The following NCAN variants were observed in gnomAD, a reference collection of about 807,000 sequenced individuals.
NCAN encodes the protein neurocan, also known as neurocan core protein.
NCAN carries 47 observed loss-of-function variants against 121.8 expected under a neutral mutation model. The ratio of observed to expected loss-of-function variants is 0.39; its 90% CI spans 0.31 to 0.49. The LOEUF is 0.49. Among genes scored for constraint, NCAN ranks in the 20% least tolerant of loss-of-function variants. The pLI is 0.92. For missense variants in NCAN, 1,517 were observed against 1,773.4 expected (o/e 0.86, Z 2.60); for synonymous variants, 633 against 702.0 (o/e 0.90, Z 1.55).
chr19:19,243,779 G>A (rs1484137714), intron 12 of NCAN, among the ~76,000 whole-genome samples: 1 of 152,018 alleles, frequency 6.6e-6, no homozygotes, highest in African/African-American at 2.4e-5. Context: ...TGTAATCCCA[G>A]CACTTTGGGA....
At chr19:19,234,252 T>A (rs1244374247) in intron 9 of NCAN, among the ~76,000 whole-genome samples, 2 of 152,212 alleles carry the variant, frequency 1.3e-5, no homozygotes, top group Admixed American at 6.5e-5. Context: ...CCACCAGAAC[T>A]GTTGGGTGCT....
At chr19:19,221,577 T>A (rs1031213080) in intron 3 of NCAN, among the ~76,000 whole-genome samples, 1 of 151,298 alleles carries the variant, frequency 6.6e-6, no homozygotes, top group Non-Finnish European at 1.5e-5. Flanking sequence ...TTAAAAATAA[T>A]AATAATAATA....
At chr19:19,248,629 A>C (rs1387318499) in intron 13 of NCAN, 71 bp from the exon 14 acceptor site, 11 of 1,483,430 alleles carry the variant, frequency 7.4e-6, no homozygotes, top group Non-Finnish European at 1.0e-5. Context: ...TGTCTCAAAC[A>C]ACAACAACAA....
chr19:19,212,072 A>G lies in NCAN; in HGVS notation c.-8+8A>G. On this transcript the variant is annotated splice_region_variant and intron_variant, in intron 1 of 14. Coordinates refer to ENST00000252575, the MANE Select transcript of NCAN (RefSeq NM_004386.3). The surrounding 1 kb of genome is among the most constrained non-coding windows in gnomAD (Gnocchi z 4.5). Reference sequence around the variant, plus strand: ...GTCCGAGCTAGGAGCCAGGTGGGGGATCCGTGAGGGGGCCGTGTTGCGGGA... The same window carrying G: ...GTCCGAGCTAGGAGCCAGGTGGGGGGTCCGTGAGGGGGCCGTGTTGCGGGA... 1 of 202,060 alleles carries G rather than the reference A, an allele frequency of 4.9e-6. No homozygotes were observed. The highest frequency in any genetic ancestry group is 4.9e-5 in the South Asian group (1 of 20,566). The allele number at this position is 202,060 out of a possible 1,614,324, so 12.5% of individuals were successfully genotyped here.
chr19:19,212,844 G>A lies in NCAN; in HGVS notation c.-8+780G>A, dbSNP rs556316072. 1.3e-5 allele frequency among the ~76,000 whole-genome samples: 2 copies of A among 152,284 alleles called. No homozygotes were observed. The highest frequency in any genetic ancestry group is 4.8e-5 in the African/African-American group (2 of 41,572). On this transcript the variant is annotated intron_variant, in intron 1 of 14. Transcript: ENST00000252575. This position sits in a 1 kb window ranked among gnomAD's most constrained non-coding sequence, Gnocchi z 4.5. ...AGGACCTGTGAGGGATACCAGCTCA[G>A]AGGGGGGGCTGTCCCCCAGCACCTT...
chr19:19,238,643 T>C, intron 11 of NCAN: 1 of 568,614 alleles, frequency 1.8e-6, no homozygotes, highest in East Asian at 3.2e-5. Context: ...ACTGAGCACC[T>C]GCTATATGCC....
rs544014045 is a variant in NCAN at position 19,216,437 on chromosome 19, G to C, written c.-7-510G>C. Among the ~76,000 whole-genome samples the C allele has an allele frequency of 2.0e-5, 3 of 152,050 alleles. No homozygotes were observed. The East Asian group carries it at 5.8e-4, about 29-fold the overall frequency. On this transcript the variant is annotated intron_variant, in intron 1 of 14. Transcript: ENST00000252575. ...AGTAATTCTCCTGCCTCAGCCTCCT[G>C]AGTAGCTGGGATTACAGGCGCCTGC... is the stretch of plus-strand genomic sequence containing the variant.
At chr19:19,248,221 G>A (rs539067372) in intron 13 of NCAN, among the ~76,000 whole-genome samples, 2 of 152,248 alleles carry the variant, frequency 1.3e-5, no homozygotes, top group East Asian at 3.9e-4. Context: ...AAGGTGGGCA[G>A]CTCATCTGAG....
chr19:19,240,991 T>C (rs376952572), intron 12 of NCAN, among the ~76,000 whole-genome samples: 7 of 152,296 alleles, frequency 4.6e-5, no homozygotes, highest in African/African-American at 1.7e-4. Context: ...TTCTCATTTC[T>C]AGCCTGGGCA....
chr19:19,230,113 C>T (rs1176457669), intron 8 of NCAN, among the ~76,000 whole-genome samples: 2 of 150,068 alleles, frequency 1.3e-5, no homozygotes, highest in South Asian at 2.1e-4. Flanking sequence ...GGTGTGATCT[C>T]GGCGCACTGC....
At chr19:19,223,525 T>C (rs2146540376) in intron 3 of NCAN, among the ~76,000 whole-genome samples, 1 of 152,206 alleles carries the variant, frequency 6.6e-6, no homozygotes, top group South Asian at 2.1e-4. Context: ...CAGGCTGGAG[T>C]GCAGTGGCTC....
In NCAN at chr19:19,250,571, A is replaced by T. The variant is rs1262066557; in HGVS notation, c.*660A>T. On this transcript the variant is annotated 3_prime_UTR_variant, in exon 15 of 15. Transcript: ENST00000252575. ...TAGGAGTGAGAATGATCAAAGCAAT[A>T]TGTAGGTGATGGAGGGAGAGTGTAT... 4.7e-6 allele frequency: 1 copy of T among 212,350 alleles called. No individual in the cohort carries two copies. Among genetic ancestry groups the T allele is most frequent in the African/African-American group, 2.3e-5 (1 of 43,050 alleles). 13.2% of individuals were successfully genotyped at this position (212,350 alleles called of 1,614,324 possible).
intron 13 of NCAN, among the ~76,000 whole-genome samples, chr19:19,247,470 G>A (rs2060928662): frequency 6.6e-6 from 1 of 152,056 alleles, no homozygotes; most frequent in Non-Finnish European, 1.5e-5. Flanking sequence ...AGCCAGGATG[G>A]TCTCGATCTC....
chr19:19,213,121 A>C (rs2060781346), intron 1 of NCAN, among the ~76,000 whole-genome samples: 1 of 152,130 alleles, frequency 6.6e-6, no homozygotes, highest in Non-Finnish European at 1.5e-5. Flanking sequence ...TCTGGGCCCC[A>C]GCGGGGGACG....
At position 19,228,018 on chromosome 19, in the gene NCAN, G is replaced by A. The variant is rs1405842844; in HGVS notation, c.2398G>A (p.Gly800Arg). ...TGCAAGTTCCCCATCTGCCCCCCTG[G>A]GGAGCCCTGGAGTCTTCTTGGTACC... ...LDASSPSAPL[G>R]SPGVFLVPKV... Residue 800 changes from glycine (G) to arginine (R), a missense_variant, in exon 8 of 15, where the codon GGG (glycine) becomes AGG (arginine). Gly to Arg is a moderately radical substitution (Grantham distance 125). Transcript: ENST00000252575. The A allele has an allele frequency of 6.2e-7, 1 of 1,613,450 alleles. No homozygotes were observed. Among genetic ancestry groups the A allele is most frequent in the East Asian group, 2.2e-5 (1 of 44,878 alleles).
At position 19,225,141 on chromosome 19, in the gene NCAN, C is replaced by T; in HGVS notation, c.943C>T (p.Arg315Cys). ...DPGWLADGSV[R>C]YPIQTPRRRC... Reference sequence around the variant, plus strand: ...GGGCTGGCTGGCCGACGGCAGCGTGCGCTACCCGATCCAGACGCCGCGCCG... The same window carrying T: ...GGGCTGGCTGGCCGACGGCAGCGTGTGCTACCCGATCCAGACGCCGCGCCG... The change falls in exon 6 of 15, where the codon CGC becomes TGC. Residue 315 changes from arginine (R) to cysteine (C), a missense_variant. Transcript: ENST00000252575. The surrounding 1 kb of genome is among the most constrained non-coding windows in gnomAD (Gnocchi z 4.0). The T allele has an allele frequency of 6.5e-7, 1 of 1,530,838 alleles. No homozygotes were observed. Among genetic ancestry groups the T allele is most frequent in the Admixed American group, 2.0e-5 (1 of 49,866 alleles). 94.8% of individuals were successfully genotyped at this position (1,530,838 alleles called of 1,614,324 possible).
At position 19,227,776 on chromosome 19, in the gene NCAN, C is replaced by T; in HGVS notation, c.2156C>T (p.Ala719Val). The T allele has an allele frequency of 6.2e-7, 1 of 1,613,722 alleles. No individual in the cohort carries two copies. The highest frequency in any genetic ancestry group is 1.7e-5 in the Admixed American group (1 of 60,018). The change falls in exon 8 of 15, where the codon GCT becomes GTT. Residue 719 changes from alanine to valine, a missense_variant. Physicochemically the swap from Ala to Val is moderately conservative, Grantham distance 64 (BLOSUM62 0). Transcript: ENST00000252575. The surrounding 1 kb of genome is among the most constrained non-coding windows in gnomAD (Gnocchi z 4.2). ...ACCAGCCCTGCTCAGGTCAACAAAGCTGAGCACTCCAGCTCCAGCCCATGG... is the reference window on the plus strand; with the variant it reads ...ACCAGCCCTGCTCAGGTCAACAAAGTTGAGCACTCCAGCTCCAGCCCATGG... The part of the protein sequence containing the change: ...GETSPAQVNK[A>V]EHSSSSPWPS...
In NCAN at chr19:19,225,589, C is replaced by T. The variant is rs752690539; in HGVS notation, c.1072+319C>T. 1.3e-4 allele frequency among the ~76,000 whole-genome samples: 20 copies of T among 152,378 alleles called. No individual in the cohort carries two copies. Among genetic ancestry groups the T allele is most frequent in the Non-Finnish European group, 2.2e-4 (15 of 68,036 alleles). On this transcript the variant is annotated intron_variant, in intron 6 of 14. Transcript: ENST00000252575. This position sits in a 1 kb window ranked among gnomAD's most constrained non-coding sequence, Gnocchi z 4.0. Reference sequence around the variant, plus strand: ...AAGACAAGCCCCTAGGTGGGGCATACTCTACCTAGAGCCACGCCCATACGC... The same window carrying T: ...AAGACAAGCCCCTAGGTGGGGCATATTCTACCTAGAGCCACGCCCATACGC...
chr19:19,221,289 C>G (rs1372819167), intron 3 of NCAN, among the ~76,000 whole-genome samples: 1 of 151,622 alleles, frequency 6.6e-6, no homozygotes, highest in Non-Finnish European at 1.5e-5. Flanking sequence ...CCTGTAATCC[C>G]AGCATTTTGG....
Sources: allele counts gnomAD v4.1 joint callset (sites outside exome capture counted in the v4.1 genomes callset), GRCh38; gene constraint gnomAD v4.1.1; non-coding constraint Gnocchi (gnomAD v3.1); transcripts MANE v1.5; gene names NCBI Gene and HGNC (gene_info 2026-07-23, HGNC 2026-07-21).